The following TMEM150C variants were observed in gnomAD, a reference collection of about 807,000 sequenced individuals.
The protein encoded by TMEM150C is tentonin 3.
Under a neutral mutation model 29.9 loss-of-function variants are expected in TMEM150C, and 10 were observed. The ratio of observed to expected loss-of-function variants is 0.33; its 90% confidence interval spans 0.21 to 0.57. The LOEUF (loss-of-function observed/expected upper bound fraction) is 0.57, where lower values mean the gene tolerates loss of function less well. Ranked by LOEUF, TMEM150C falls within the 20% of genes least tolerant of loss-of-function variation. The pLI, the probability that TMEM150C is intolerant of heterozygous loss-of-function variation, is 0.88. For missense variants in TMEM150C, 251 were observed against 303.6 expected (o/e 0.83, Z 1.29); for synonymous variants, 101 against 112.5 (o/e 0.90, Z 0.64).
At chr4:82,560,662 C>T (rs1414726839) in intron 1 of TMEM150C, among the ~76,000 whole-genome samples, 1 of 152,124 alleles carries the variant, frequency 6.6e-6, no homozygotes. Context: ...AAATAGGAAA[C>T]TTTAAGTAGG....
chr4:82,559,615 G>A (rs1051052008), intron 1 of TMEM150C, among the ~76,000 whole-genome samples: 5 of 152,088 alleles, frequency 3.3e-5, no homozygotes, highest in East Asian at 1.9e-4. Flanking sequence ...CTAGTCCTAC[G>A]CTTTTCATGA....
chr4:82,535,531 C>T (rs1039482029), intron 1 of TMEM150C, among the ~76,000 whole-genome samples: 3 of 152,170 alleles, frequency 2.0e-5, no homozygotes, highest in Non-Finnish European at 4.4e-5. Flanking sequence ...GCCACAGGTA[C>T]ACCTCAGAGG....
At chr4:82,525,625 A>G (rs1371473480) in intron 1 of TMEM150C, among the ~76,000 whole-genome samples, 2 of 152,214 alleles carry the variant, frequency 1.3e-5, no homozygotes, top group African/African-American at 4.8e-5. Flanking sequence ...TCTCTGGCAG[A>G]AAAATGCTTA....
chr4:82,492,950 T>A (rs1304442735), intron 6 of TMEM150C, among the ~76,000 whole-genome samples: 1 of 146,436 alleles, frequency 6.8e-6, no homozygotes, highest in Admixed American at 6.9e-5. Flanking sequence ...TACGGTGGTA[T>A]GATAAAAGTT....
intron 5 of TMEM150C, among the ~76,000 whole-genome samples, chr4:82,499,719 C>CAAAAAAAAAAAAAAAAAAAA (rs1197264258): frequency 5.0e-5 from 2 of 40,290 alleles, no homozygotes; most frequent in African/African-American, 2.2e-4. Flanking sequence ...ACTCCGTCTC[C>CAAAAAAAAAAAAAAAAAAAA]AAAAAAAAAA....
chr4:82,532,539 A>G (rs1293217864), intron 1 of TMEM150C, among the ~76,000 whole-genome samples: 1 of 152,190 alleles, frequency 6.6e-6, no homozygotes, highest in African/African-American at 2.4e-5. Context: ...AAGTGTCTTA[A>G]GAAAGATATG....
intron 1 of TMEM150C, among the ~76,000 whole-genome samples, chr4:82,511,469 A>G (rs1297726434): frequency 2.5e-5 from 2 of 78,704 alleles, no homozygotes; most frequent in Admixed American, 3.0e-4. Context: ...TTGTCCCAAC[A>G]CTATTTTTTT....
At chr4:82,554,421 C>T (rs1274753068) in intron 1 of TMEM150C, among the ~76,000 whole-genome samples, 2 of 152,150 alleles carry the variant, frequency 1.3e-5, no homozygotes, top group African/African-American at 4.8e-5. Flanking sequence ...ACACTATTCA[C>T]TCATGAATCA....
chr4:82,555,835 G>A (rs1466929839), intron 1 of TMEM150C, among the ~76,000 whole-genome samples: 1 of 152,160 alleles, frequency 6.6e-6, no homozygotes, highest in Non-Finnish European at 1.5e-5. Flanking sequence ...GCATTCAGCT[G>A]GAGGACTTGT....
chr4:82,550,241 T>A (rs1297393500), intron 1 of TMEM150C, among the ~76,000 whole-genome samples: 1 of 152,098 alleles, frequency 6.6e-6, no homozygotes, highest in African/African-American at 2.4e-5. Flanking sequence ...ATGCTCTCTC[T>A]CATGAACTCT....
intron 1 of TMEM150C, among the ~76,000 whole-genome samples, chr4:82,559,115 A>G (rs146268436): frequency 0.024 from 3,704 of 152,238 alleles, 145 homozygotes; most frequent in African/African-American, 0.084. Flanking sequence ...CGCCTATCCC[A>G]AAACCTACAA....
chr4:82,493,594 G>C (rs1185163492), intron 6 of TMEM150C, among the ~76,000 whole-genome samples: 1 of 152,078 alleles, frequency 6.6e-6, no homozygotes, highest in East Asian at 1.9e-4. Context: ...CCCAATCTTG[G>C]GGATTTTTCT....
chr4:82,517,873 C>T (rs781340440), intron 1 of TMEM150C, among the ~76,000 whole-genome samples: 9 of 152,200 alleles, frequency 5.9e-5, no homozygotes, highest in Non-Finnish European at 1.3e-4. Flanking sequence ...ACTGACTATA[C>T]AGTCATCAGA....
intron 1 of TMEM150C, among the ~76,000 whole-genome samples, chr4:82,560,563 T>C (rs1270751735): frequency 6.6e-6 from 1 of 152,178 alleles, no homozygotes; most frequent in African/African-American, 2.4e-5. Context: ...CTAGAACACA[T>C]ACAAGAAAAA....
intron 1 of TMEM150C, among the ~76,000 whole-genome samples, chr4:82,550,756 C>T (rs973348985): frequency 6.6e-6 from 1 of 151,426 alleles, no homozygotes; most frequent in African/African-American, 2.4e-5. Flanking sequence ...CACCACTGCA[C>T]TCCAGCCTGG....
intron 1 of TMEM150C, among the ~76,000 whole-genome samples, chr4:82,521,783 C>G (rs1019149579): frequency 6.6e-6 from 1 of 152,210 alleles, no homozygotes; most frequent in Non-Finnish European, 1.5e-5. Flanking sequence ...GAGGCATCCA[C>G]AGTCAGACTG....
chr4:82,519,181 T>C (rs893315044), intron 1 of TMEM150C, among the ~76,000 whole-genome samples: 2 of 152,210 alleles, frequency 1.3e-5, no homozygotes, highest in African/African-American at 2.4e-5. Context: ...TCTTTTGTTG[T>C]AAATCTACAT....
intron 1 of TMEM150C, among the ~76,000 whole-genome samples, chr4:82,508,367 T>C (rs1724006235): frequency 6.6e-6 from 1 of 152,062 alleles, no homozygotes; most frequent in Non-Finnish European, 1.5e-5. Flanking sequence ...GAACTCAAAC[T>C]CTTGGGCTCA....
intron 1 of TMEM150C, among the ~76,000 whole-genome samples, chr4:82,515,062 T>C (rs1724248358): frequency 6.6e-6 from 1 of 152,194 alleles, no homozygotes; most frequent in African/African-American, 2.4e-5. Context: ...ACTCTGTCCA[T>C]TAGCTACTAG....
Sources: gnomAD v4.1 joint callset for allele counts (sites outside exome capture counted in the v4.1 genomes callset) on GRCh38, gnomAD v4.1.1 for gene constraint, MANE v1.5 for transcripts, NCBI Gene and HGNC (gene_info 2026-07-23, HGNC 2026-07-21) for gene names.